Variants in PREX1 observed in about 807,000 individuals in gnomAD.
The protein encoded by PREX1 is phosphatidylinositol 3,4,5-trisphosphate-dependent Rac exchanger 1 protein.
In PREX1, 41 loss-of-function variants were observed where a neutral mutation model predicts 198.3. That is an observed-to-expected ratio of 0.21 (90% CI 0.16 to 0.27). The LOEUF (loss-of-function observed/expected upper bound fraction) is 0.27, where lower values mean the gene tolerates loss of function less well. Among genes scored for constraint, PREX1 ranks in the 10% least tolerant of loss-of-function variants. The pLI, the probability that PREX1 is intolerant of heterozygous loss-of-function variation, is 1.00. For missense variants in PREX1, 1,620 were observed against 2,200.7 expected, an observed-to-expected ratio of 0.74 and a Z score of 5.28; for synonymous variants, 843 against 887.2, an observed-to-expected ratio of 0.95 and a Z score of 0.89.
chr20:48,847,364 T>TAAAAAAAAAAAAAA, the PREX1 span, among the ~76,000 whole-genome samples: 810 of 76,826 alleles, frequency 0.011, 11 homozygotes, highest in Middle Eastern at 0.021. Context: ...CCTTCTCTTA[T>TAAAAAAAAAAAAAA]AAAAAAAAAA....
intron 15 of PREX1, among the ~76,000 whole-genome samples, chr20:48,665,284 T>G: frequency 7.0e-6 from 1 of 142,290 alleles, no homozygotes; most frequent in East Asian, 2.1e-4. Context: ...TGAATTCTAA[T>G]CCCGGCTCCA....
chr20:48,751,739 C>T (rs1474686873), intron 1 of PREX1, among the ~76,000 whole-genome samples: 1 of 152,200 alleles, frequency 6.6e-6, no homozygotes, highest in Non-Finnish European at 1.5e-5. Flanking sequence ...TCCAGGGCTG[C>T]CTGAGAAACT....
chr20:48,849,326 C>T, the PREX1 span: 1 of 152,054 alleles, frequency 6.6e-6, no homozygotes, highest in Non-Finnish European at 1.5e-5. Flanking sequence ...AAATACAATA[C>T]TAGAAACAGA....
At position 48,647,971 on chromosome 20, in the gene PREX1, T is replaced by A. The variant is rs551069120; in HGVS notation, c.3305+1329A>T. Among the ~76,000 whole-genome samples, 6 of 152,326 alleles carry A rather than the reference T, an allele frequency of 3.9e-5. No individual in the cohort carries two copies. The South Asian group carries it at 1.0e-3, about 26-fold the overall frequency. ...CCCAGGCTGGAGTGCAGTGGTGCAA[T>A]CATGGCTTACTGCAGCCTCGATCTT... is the stretch of plus-strand genomic sequence containing the variant. On this transcript the variant is annotated intron_variant, in intron 25 of 39. Coordinates refer to ENST00000371941, the MANE Select transcript of PREX1 (RefSeq NM_020820.4).
At chr20:48,758,037 G>T (rs555716066) in intron 1 of PREX1, among the ~76,000 whole-genome samples, 1 of 152,188 alleles carries the variant, frequency 6.6e-6, no homozygotes, top group Non-Finnish European at 1.5e-5. Context: ...AGATGCAGCA[G>T]ACCCTGAGGC....
intron 14 of PREX1, among the ~76,000 whole-genome samples, chr20:48,672,533 T>C (rs1268194269): frequency 2.0e-5 from 3 of 152,262 alleles, no homozygotes; most frequent in Non-Finnish European, 4.4e-5. Context: ...GGCAGGGGTC[T>C]GGGCCCTTCC....
At chr20:48,793,983 G>C (rs538531396) in intron 1 of PREX1, among the ~76,000 whole-genome samples, 1 of 152,310 alleles carries the variant, frequency 6.6e-6, no homozygotes, top group South Asian at 2.1e-4. Flanking sequence ...GCCAGGAGAA[G>C]AACCCCTTAC....
chr20:48,770,360 G>A (rs531339071), intron 1 of PREX1, among the ~76,000 whole-genome samples: 1 of 152,280 alleles, frequency 6.6e-6, no homozygotes, highest in African/African-American at 2.4e-5. Flanking sequence ...CAGCAGGGCA[G>A]GGAAAGCAGC....
chr20:48,855,585 G>T, the PREX1 span, among the ~76,000 whole-genome samples: 84 of 152,260 alleles, frequency 5.5e-4, no homozygotes, highest in African/African-American at 1.9e-3. Flanking sequence ...CTGACACTCC[G>T]GCAGAGGAGA....
At chr20:48,840,912 C>T in the PREX1 span, among the ~76,000 whole-genome samples, 5 of 151,964 alleles carry the variant, frequency 3.3e-5, no homozygotes, top group Non-Finnish European at 7.4e-5. Context: ...GACCTCAAAA[C>T]TCCTGGGCTC....
intron 5 of PREX1, among the ~76,000 whole-genome samples, chr20:48,721,690 T>C (rs1424058763): frequency 2.0e-5 from 3 of 152,156 alleles, no homozygotes; most frequent in Non-Finnish European, 4.4e-5. Flanking sequence ...AGGAGTGACA[T>C]GAACTGACTT....
At chr20:48,841,169 G>A in the PREX1 span, among the ~76,000 whole-genome samples, 1 of 152,066 alleles carries the variant, frequency 6.6e-6, no homozygotes, top group African/African-American at 2.4e-5. Flanking sequence ...GATCCTCCAC[G>A]CCTCAGCCTC....
intron 5 of PREX1, among the ~76,000 whole-genome samples, chr20:48,717,915 A>G (rs1157736409): frequency 6.6e-6 from 1 of 152,186 alleles, no homozygotes; most frequent in Non-Finnish European, 1.5e-5. Flanking sequence ...GGTAGTGATG[A>G]GACCAAGCTA....
intron 1 of PREX1, among the ~76,000 whole-genome samples, chr20:48,804,059 C>T (rs576426424): frequency 6.6e-6 from 1 of 152,338 alleles, no homozygotes; most frequent in Admixed American, 6.5e-5. Context: ...CTTGAGGACA[C>T]ACACCATTGT....
chr20:48,650,855 G>A (rs749197709), intron 23 of PREX1, 39 bp downstream of exon 23: 10 of 1,608,328 alleles, frequency 6.2e-6, no homozygotes, highest in Non-Finnish European at 8.5e-6. Context: ...GCTATGTCTG[G>A]GACCTGTGGC....
chr20:48,807,246 G>A (rs572133884), intron 1 of PREX1, among the ~76,000 whole-genome samples: 2 of 152,274 alleles, frequency 1.3e-5, no homozygotes, highest in African/African-American at 4.8e-5. Context: ...AACATCTGGT[G>A]CACATCCTGC....
At position 48,655,347 on chromosome 20, in the gene PREX1, T is replaced by C; in HGVS notation, c.2152A>G (p.Thr718Ala). The C allele has an allele frequency of 6.3e-7, 1 of 1,595,728 alleles. No individual in the cohort carries two copies. The highest frequency in any genetic ancestry group is 8.6e-7 in the Non-Finnish European group (1 of 1,169,534). Residue 718 changes from threonine to alanine, a missense_variant, in exon 19 of 40, where the codon ACA (threonine) becomes GCA (alanine). Around this residue, in one of 7 missense-constraint regions of PREX1, gnomAD observed 514 missense variants for 611.6 expected, o/e 0.84. Coordinates refer to ENST00000371941, the MANE Select transcript of PREX1 (RefSeq NM_020820.4). ...EIIKIPDQPDTLCFQIRGAAP... is the reference protein window; with the variant it reads ...EIIKIPDQPDALCFQIRGAAP... ...GCTCCACGAATCTGGAAGCACAGTG[T>C]GTCCGGCTGGTCGGGGATTTTGATG...
chr20:48,659,786 A>G, intron 16 of PREX1, 133 bp downstream of exon 16: 2 of 1,265,114 alleles, frequency 1.6e-6, no homozygotes, highest in Admixed American at 2.3e-5. Context: ...GTTGCCCCCT[A>G]CCACCTAGAA....
chr20:48,771,179 G>A (rs902645973), intron 1 of PREX1, among the ~76,000 whole-genome samples: 25 of 151,724 alleles, frequency 1.6e-4, no homozygotes, highest in African/African-American at 5.6e-4. Flanking sequence ...ACATAATTTT[G>A]CATGTCACCT....
Sources: allele counts gnomAD v4.1 joint callset (sites outside exome capture counted in the v4.1 genomes callset), GRCh38; gene constraint gnomAD v4.1.1; regional missense constraint gnomAD v4.1.1; transcripts MANE v1.5; gene names NCBI Gene and HGNC (gene_info 2026-07-23, HGNC 2026-07-21).